Variants in SMARCC1 observed in about 807,000 individuals in gnomAD.
SMARCC1 encodes the protein SWI/SNF related BAF chromatin remodeling complex subunit C1.
SMARCC1 carries 43 observed loss-of-function variants against 147.4 expected under a neutral mutation model. The observed-to-expected ratio is 0.29, with a 90% CI of 0.23 to 0.38. The LOEUF (loss-of-function observed/expected upper bound fraction) is 0.38, where lower values mean the gene tolerates loss of function less well. Among genes scored for constraint, SMARCC1 ranks in the 10% least tolerant of loss-of-function variants. The probability of loss-of-function intolerance (pLI) is 1.00; values close to 1 mark genes in which losing one functional copy is unlikely to be tolerated. For synonymous variants in SMARCC1, 495 were observed against 484.4 expected, an observed-to-expected ratio of 1.02 and a Z score of -0.29; for missense variants, 1,119 against 1,381.1, an observed-to-expected ratio of 0.81 and a Z score of 3.01.
At chr3:47,698,767 A>T (rs1357588110) in intron 11 of SMARCC1, among the ~76,000 whole-genome samples, 1 of 152,136 alleles carries the variant, frequency 6.6e-6, no homozygotes, top group Non-Finnish European at 1.5e-5. Flanking sequence ...AATGTGAACA[A>T]AAGTTGAAGG....
intron 2 of SMARCC1, among the ~76,000 whole-genome samples, chr3:47,767,891 T>A (rs373472110): frequency 6.9e-6 from 1 of 145,492 alleles, no homozygotes; most frequent in African/African-American, 2.5e-5. Flanking sequence ...TTTTTTTTTT[T>A]AAGACAGAGT....
chr3:47,706,470 G>A lies in SMARCC1; in HGVS notation c.979C>T (p.His327Tyr). The A allele has an allele frequency of 6.3e-7, 1 of 1,580,578 alleles. No individual in the cohort carries two copies. The change falls in exon 10 of 28, where the codon CAT becomes TAT. Residue 327 changes from histidine (H) to tyrosine (Y), a missense_variant. Physicochemically the swap from His to Tyr is moderately conservative, Grantham distance 83 (BLOSUM62 2). This residue lies in a region of SMARCC1 where 542 missense variants were observed against 611.8 expected (regional missense o/e 0.89). Coordinates refer to ENST00000254480, the MANE Select transcript of SMARCC1 (RefSeq NM_003074.4). ...KASANARKRK[H>Y]SPSPPPPTPT... ...GTCGGAGGGGGAGGCGAAGGCGAAT[G>A]TTTCCTCTTTCGAGCATTAGCTGAT... is the stretch of plus-strand genomic sequence containing the variant.
intron 11 of SMARCC1, among the ~76,000 whole-genome samples, chr3:47,698,224 TCATTA>T (rs1412341178): frequency 6.6e-6 from 1 of 151,754 alleles, no homozygotes; most frequent in African/African-American, 2.4e-5. Context: ...AGGAGAAATA[TCATTA>T]CATCAGTGGA....
chr3:47,632,111 T>C (rs922205737), intron 24 of SMARCC1, among the ~76,000 whole-genome samples: 2 of 152,064 alleles, frequency 1.3e-5, no homozygotes, highest in African/African-American at 4.8e-5. Context: ...TTGGACACCT[T>C]TTAAATTTTG....
intron 21 of SMARCC1, among the ~76,000 whole-genome samples, chr3:47,644,171 C>T (rs1472927224): frequency 6.6e-6 from 1 of 152,094 alleles, no homozygotes; most frequent in African/African-American, 2.4e-5. Flanking sequence ...CAGAGGGAGA[C>T]CTTGTCTCTA....
intron 21 of SMARCC1, among the ~76,000 whole-genome samples, chr3:47,652,307 G>T (rs1321596265): frequency 6.6e-6 from 1 of 151,844 alleles, no homozygotes; most frequent in African/African-American, 2.4e-5. Flanking sequence ...GCATATAGAG[G>T]AAGTCAACCA....
intron 16 of SMARCC1, among the ~76,000 whole-genome samples, chr3:47,677,042 G>A (rs528943362): frequency 7.2e-5 from 11 of 152,176 alleles, no homozygotes; most frequent in African/African-American, 2.4e-4. Context: ...GCACGAATAC[G>A]CATTTAGGTC....
chr3:47,654,811 G>C (rs1182073086), intron 21 of SMARCC1, among the ~76,000 whole-genome samples: 3 of 152,118 alleles, frequency 2.0e-5, no homozygotes, highest in Non-Finnish European at 4.4e-5. Flanking sequence ...GAGTGAGAGT[G>C]GAAACTCATT....
At chr3:47,606,877 C>CT (rs34081063) in intron 26 of SMARCC1, among the ~76,000 whole-genome samples, 1,616 of 135,856 alleles carry the variant, frequency 0.012, 13 homozygotes, top group Middle Eastern at 0.023. Context: ...CACCTGGCTA[C>CT]TTTTTTTTTT....
chr3:47,767,785 T>C (rs1408147576), intron 2 of SMARCC1, among the ~76,000 whole-genome samples: 1 of 151,440 alleles, frequency 6.6e-6, no homozygotes, highest in Non-Finnish European at 1.5e-5. Flanking sequence ...GGAGAATAGT[T>C]TGAACCCGGG....
intron 24 of SMARCC1, among the ~76,000 whole-genome samples, chr3:47,634,706 C>T (rs1467767825): frequency 6.6e-6 from 1 of 152,244 alleles, no homozygotes; most frequent in Non-Finnish European, 1.5e-5. Flanking sequence ...GAAAAAACCA[C>T]CCCCAGAAAA....
chr3:47,738,825 C>T (rs2034475575), intron 3 of SMARCC1, among the ~76,000 whole-genome samples: 1 of 152,194 alleles, frequency 6.6e-6, no homozygotes, highest in South Asian at 2.1e-4. Flanking sequence ...AAATTTTTAA[C>T]TGGCCACAGT....
chr3:47,719,700 C>T (rs1315668024), intron 7 of SMARCC1, among the ~76,000 whole-genome samples: 1 of 151,676 alleles, frequency 6.6e-6, no homozygotes, highest in Non-Finnish European at 1.5e-5. Flanking sequence ...GGGACTCTGT[C>T]TCAAAAAAAT....
rs778329391 is a variant in SMARCC1, at chr3:47,738,088, G to C, written c.424C>G (p.Pro142Ala). ...QGWRRFDLQN[P>A]SRMDRNVEMF... ...TCCACATTACGATCCATTCGAGATG[G>C]GTTCTGTAGGTCAAACCTCCGCCTA... Residue 142 changes from proline to alanine, a missense_variant, in exon 4 of 28, where the codon CCA becomes GCA. Pro to Ala is a conservative substitution (Grantham distance 27, BLOSUM62 -1). Transcript: ENST00000254480. The C allele has an allele frequency of 7.6e-6, 12 of 1,582,264 alleles. No individual in the cohort carries two copies. Among genetic ancestry groups the C allele is most frequent in the Non-Finnish European group, 1.0e-5 (12 of 1,164,672 alleles).
At chr3:47,662,224 A>G in intron 20 of SMARCC1, 110 bp downstream of exon 20, 1 of 923,624 alleles carries the variant, frequency 1.1e-6, no homozygotes, top group Non-Finnish European at 1.6e-6. Context: ...CACAGGTAAT[A>G]TCTGATTTTT....
rs780728235 is a variant in SMARCC1 at position 47,772,849 on chromosome 3, G to A, written c.283C>T (p.His95Tyr). The change falls in exon 2 of 28, where the codon CAT becomes TAT. Residue 95 changes from histidine to tyrosine, a missense_variant. By Grantham distance (83) the His-to-Tyr change is moderately conservative (BLOSUM62 2). Coordinates refer to ENST00000254480, the MANE Select transcript of SMARCC1 (RefSeq NM_003074.4). The part of the protein sequence containing the change: ...LQFQEDAFGK[H>Y]VTNPAFTKLP... Reference sequence around the variant, plus strand: ...TTGGTGAAGGCCGGGTTGGTGACATGCTTCCCAAAGGCATCTTCCTGGAAC... The same window carrying A: ...TTGGTGAAGGCCGGGTTGGTGACATACTTCCCAAAGGCATCTTCCTGGAAC... 8.7e-6 allele frequency: 14 copies of A among 1,613,040 alleles called. No individual in the cohort carries two copies.
chr3:47,679,462 C>T (rs2033612630), intron 15 of SMARCC1, among the ~76,000 whole-genome samples: 1 of 152,198 alleles, frequency 6.6e-6, no homozygotes. Context: ...GCTATATCAT[C>T]ATATCTCTCT....
chr3:47,629,754 T>C (rs764329539), intron 24 of SMARCC1, among the ~76,000 whole-genome samples: 2 of 152,032 alleles, frequency 1.3e-5, no homozygotes, highest in Non-Finnish European at 2.9e-5. Flanking sequence ...AGCGATGAGG[T>C]AGTACTGAGT....
At chr3:47,776,262 CAT>C (rs1379262241) in intron 1 of SMARCC1, among the ~76,000 whole-genome samples, 1 of 152,168 alleles carries the variant, frequency 6.6e-6, no homozygotes, top group Non-Finnish European at 1.5e-5. Context: ...CTAAAGGAGT[CAT>C]ATAATGTACT....
Sources: allele counts gnomAD v4.1 joint callset (sites outside exome capture counted in the v4.1 genomes callset), GRCh38; gene constraint gnomAD v4.1.1; regional missense constraint gnomAD v4.1.1; transcripts MANE v1.5; gene names NCBI Gene and HGNC (gene_info 2026-07-23, HGNC 2026-07-21).